The following SYNJ2 variants were observed in gnomAD, a reference collection of about 807,000 sequenced individuals.
The protein encoded by SYNJ2 is polyphosphatidylinositol phosphatase SYNJ2.
A neutral mutation model predicts 141.3 loss-of-function variants in SYNJ2; 116 were observed. The observed-to-expected ratio is 0.82, with a 90% confidence interval of 0.71 to 0.96. SYNJ2 has a LOEUF of 0.96. Ranked by LOEUF, SYNJ2 falls within the 40% of genes least tolerant of loss-of-function variation. The pLI, the probability that SYNJ2 is intolerant of heterozygous loss-of-function variation, is 0.00. For missense variants in SYNJ2, 1,873 were observed against 1,934.8 expected (o/e 0.97, Z 0.60); for synonymous variants, 745 against 777.7 (o/e 0.96, Z 0.70).
intron 18 of SYNJ2, among the ~76,000 whole-genome samples, chr6:158,080,723 C>T (rs1782623451): frequency 1.3e-5 from 2 of 152,174 alleles, no homozygotes; most frequent in African/African-American, 4.8e-5. Context: ...GCTTCCCCAC[C>T]TCCTTGGTGG....
Position 157,982,110 on chromosome 6 carries a change from C to CGACGCCCGGAGGAGAG in SYNJ2, c.127+24_127+39dup. 1 of 1,298,840 alleles carries CGACGCCCGGAGGAGAG rather than the reference C, an allele frequency of 7.7e-7. No individual in the cohort carries two copies. Among genetic ancestry groups the CGACGCCCGGAGGAGAG allele is most frequent in the Non-Finnish European group, 9.8e-7 (1 of 1,023,370 alleles). The allele number at this position is 1,298,840 out of a possible 1,614,324, so 80.5% of individuals were successfully genotyped here. A position where few individuals can be genotyped will look rare whatever the true frequency, so the allele number is the denominator to read the frequency against. ...CTGGGTGAGTCCGGGCCGGGGGCAG[C>CGACGCCCGGAGGAGAG]GACGCCCGGAGGAGAGGGCGCCCGC... On this transcript the variant is annotated intron_variant, in intron 1 of 26. Transcript: ENST00000355585. The surrounding 1 kb of genome is among the most constrained non-coding windows in gnomAD (Gnocchi z 4.0).
At chr6:158,025,298 T>C (rs1348536079) in intron 2 of SYNJ2, among the ~76,000 whole-genome samples, 2 of 152,134 alleles carry the variant, frequency 1.3e-5, no homozygotes, top group East Asian at 1.9e-4. Flanking sequence ...AACCATCACC[T>C]TGGGTGTTCG....
chr6:158,066,499 C>A lies in SYNJ2; in HGVS notation c.1581C>A (p.Phe527Leu). ...AGCGTCAGTCCGAATTCACAAATTT[C>A]AAGCGGATCCGGATTGCTATGGGGA... ...MTERQSEFTN[F>L]KRIRIAMGTW... is the part of the protein sequence containing the mutation. Residue 527 changes from phenylalanine to leucine, a missense_variant, in exon 12 of 27, where the codon TTC (phenylalanine) becomes TTA (leucine). By Grantham distance (22) the Phe-to-Leu change is conservative. Transcript: ENST00000355585. 1 of 1,614,194 alleles carries A rather than the reference C, an allele frequency of 6.2e-7. No individual in the cohort carries two copies. The highest frequency in any genetic ancestry group is 8.5e-7 in the Non-Finnish European group (1 of 1,180,044).
chr6:158,033,780 T>G (rs1779499273), intron 4 of SYNJ2, 100 bp downstream of exon 4: 6 of 1,236,170 alleles, frequency 4.9e-6, no homozygotes, highest in Non-Finnish European at 6.7e-6. Flanking sequence ...CTGGCATATT[T>G]GTGGTGGTCT....
intron 11 of SYNJ2, 25 bp from the exon 12 acceptor site, chr6:158,066,419 T>C (rs772498506): frequency 6.8e-6 from 11 of 1,613,004 alleles, no homozygotes; most frequent in Non-Finnish European, 8.5e-6. Flanking sequence ...TGCAAAGAAA[T>C]GTGCCTTTTT....
intron 12 of SYNJ2, among the ~76,000 whole-genome samples, chr6:158,067,045 T>A (rs1044461416): frequency 6.6e-6 from 1 of 152,154 alleles, no homozygotes; most frequent in Admixed American, 6.5e-5. Context: ...TTGAGACAAG[T>A]TTCACTCTTG....
intron 1 of SYNJ2, among the ~76,000 whole-genome samples, chr6:158,006,892 C>T (rs372611478): frequency 0.015 from 227 of 14,674 alleles, 4 homozygotes; most frequent in African/African-American, 0.15. Context: ...AGGCTGGTCT[C>T]GAACTCCTAA....
At chr6:158,087,088 C>A in intron 23 of SYNJ2, 99 bp downstream of exon 23, 2 of 1,402,722 alleles carry the variant, frequency 1.4e-6, no homozygotes, top group South Asian at 1.3e-5. Flanking sequence ...TTCTCCCCGG[C>A]CTTCCGGTCC....
chr6:158,076,931 C>A, intron 17 of SYNJ2, 149 bp downstream of exon 17: 1 of 976,744 alleles, frequency 1.0e-6, no homozygotes, highest in Non-Finnish European at 1.4e-6. Flanking sequence ...CAGACCTTAA[C>A]CCCTAAGCTT....
In SYNJ2 at chr6:158,069,522, T is replaced by G. The variant is rs760849033; in HGVS notation, c.1800-11T>G. On this transcript the variant is annotated splice_polypyrimidine_tract_variant and intron_variant, in intron 13 of 26. Transcript: ENST00000355585. ...TACCTGTAAACAGCATCCTTTCCTT[T>G]TCTCTTCCAGTACTACCAACAAGAA... The G allele has an allele frequency of 1.5e-5, 24 of 1,608,966 alleles. No homozygotes were observed. The highest frequency in any genetic ancestry group is 1.7e-5 in the Non-Finnish European group (20 of 1,176,660).
At chr6:158,055,338 G>A (rs535559014) in intron 6 of SYNJ2, among the ~76,000 whole-genome samples, 2 of 152,106 alleles carry the variant, frequency 1.3e-5, no homozygotes, top group South Asian at 4.1e-4. Flanking sequence ...AAATTATAGG[G>A]TATTTGAAGC....
chr6:158,047,774 CAAAAAAAAAAAAAA>C lies in SYNJ2; in HGVS notation c.795+4393_795+4406del, dbSNP rs58147972. 1.1e-3 allele frequency among the ~76,000 whole-genome samples: 37 copies of C among 32,388 alleles called. 1 individual carries two copies. Among genetic ancestry groups the C allele is most frequent in the South Asian group, 2.9e-3 (1 of 346 alleles). 21.2% of individuals were successfully genotyped at this position (32,388 alleles called of 152,430 possible). ...CCTGGTCAACAGAGTGCGACTCTGT[CAAAAAAAAAAAAAA>C]AAAAAAAAAAAAAAAAACACACAGT... On this transcript the variant is annotated intron_variant, in intron 5 of 26. Transcript: ENST00000355585.
chr6:158,035,460 C>T (rs901578604), intron 4 of SYNJ2, among the ~76,000 whole-genome samples: 11 of 152,078 alleles, frequency 7.2e-5, no homozygotes, highest in Admixed American at 1.3e-4. Flanking sequence ...GATTGTGTTC[C>T]TGATTTGGCT....
chr6:158,074,882 G>A (rs1782170034), intron 16 of SYNJ2, 144 bp downstream of exon 16: 1 of 998,336 alleles, frequency 1.0e-6, no homozygotes, highest in Non-Finnish European at 1.5e-6. Flanking sequence ...GGGCTTGTGA[G>A]GTTACAGTAC....
At chr6:158,002,129 C>T (rs560604994) in intron 1 of SYNJ2, 3 of 152,638 alleles carry the variant, frequency 2.0e-5, no homozygotes, top group Admixed American at 2.0e-4. Context: ...TTGTCTTACG[C>T]TCTGTTCTCA....
At position 158,074,664 on chromosome 6, in the gene SYNJ2, T is replaced by C. The variant is rs1782152882; in HGVS notation, c.2218T>C (p.Tyr740His). 6.2e-7 allele frequency: 1 copy of C among 1,614,178 alleles called. No individual in the cohort carries two copies. The highest frequency in any genetic ancestry group is 8.5e-7 in the Non-Finnish European group (1 of 1,180,028). ...TGATCTTACTTATGAAGAAGTCTTC[T>C]ATTTTGTTAAACGCCAAGACTGGAA... ...RIDLTYEEVFYFVKRQDWKKL... is the reference protein window; with the variant it reads ...RIDLTYEEVFHFVKRQDWKKL... Residue 740 changes from tyrosine (Y) to histidine (H), a missense_variant, in exon 16 of 27, where the codon TAT becomes CAT. Transcript: ENST00000355585.
intron 22 of SYNJ2, among the ~76,000 whole-genome samples, chr6:158,085,427 C>T (rs1478345101): frequency 6.6e-6 from 1 of 152,150 alleles, no homozygotes; most frequent in Non-Finnish European, 1.5e-5. Context: ...CATTCATAGC[C>T]AGGCATGCCT....
chr6:158,070,149 G>C lies in SYNJ2; in HGVS notation c.1940+476G>C. 1 of 985,860 alleles carries C rather than the reference G, an allele frequency of 1.0e-6. No homozygotes were observed. Among genetic ancestry groups the C allele is most frequent in the Non-Finnish European group, 1.2e-6 (1 of 830,280 alleles). 61.1% of individuals were successfully genotyped at this position (985,860 alleles called of 1,614,324 possible). On this transcript the variant is annotated intron_variant, in intron 14 of 26. Transcript: ENST00000355585. The surrounding 1 kb of genome is among the most constrained non-coding windows in gnomAD (Gnocchi z 4.0). Reference sequence around the variant, plus strand: ...GAGCATCAGAAAGGGGGCGAGCTTAGGGGCGGCATTCCTCTTGGGGTGTGG... The same window carrying C: ...GAGCATCAGAAAGGGGGCGAGCTTACGGGCGGCATTCCTCTTGGGGTGTGG...
At chr6:158,018,727 A>G (rs1007689015) in intron 2 of SYNJ2, among the ~76,000 whole-genome samples, 1 of 152,238 alleles carries the variant, frequency 6.6e-6, no homozygotes, top group Non-Finnish European at 1.5e-5. Context: ...AAAATAGGCT[A>G]CCGTGATAAT....
Sources: gnomAD v4.1 joint callset for allele counts (sites outside exome capture counted in the v4.1 genomes callset) on GRCh38, gnomAD v4.1.1 for gene constraint, Gnocchi (gnomAD v3.1) non-coding constraint, MANE v1.5 for transcripts, NCBI Gene and HGNC (gene_info 2026-07-23, HGNC 2026-07-21) for gene names.